The following REV3L variants were observed in gnomAD, a reference collection of about 807,000 sequenced individuals.
The protein encoded by REV3L is DNA polymerase zeta catalytic subunit.
REV3L carries 69 observed loss-of-function variants against 299.4 expected under a neutral mutation model. The ratio of observed to expected loss-of-function variants is 0.23; its 90% CI spans 0.19 to 0.28. The LOEUF (loss-of-function observed/expected upper bound fraction) is 0.28, where lower values mean the gene tolerates loss of function less well. Among genes scored for constraint, REV3L ranks in the 10% least tolerant of loss-of-function variants. REV3L has a pLI of 1.00. For synonymous variants in REV3L, 1,238 were observed against 1,271.4 expected (o/e 0.97, Z 0.56); for missense variants, 3,128 against 3,693.8 (o/e 0.85, Z 3.97).
chr6:111,354,614 A>G (rs1777909850), intron 18 of REV3L, among the ~76,000 whole-genome samples: 1 of 152,182 alleles, frequency 6.6e-6, no homozygotes, highest in South Asian at 2.1e-4. Context: ...TTTCAAGTTC[A>G]AAAGCCAAAG....
Position 111,483,020 on chromosome 6 carries a change from G to T in REV3L, c.-132C>A. 8.9e-7 allele frequency: 1 copy of T among 1,125,482 alleles called. No individual in the cohort carries two copies. 69.7% of individuals were successfully genotyped at this position (1,125,482 alleles called of 1,614,324 possible). ...CACGGCCCCCTCCCCTCACACAGAG[G>T]CACCTCGAGGAGCGGCGGGCGGGGC... On this transcript the variant is annotated 5_prime_UTR_variant, in exon 1 of 32. Coordinates refer to ENST00000368802, the MANE Select transcript of REV3L (RefSeq NM_001372078.1).
chr6:111,310,177 AAAC>A, intron 29 of REV3L, 78 bp from the exon 30 acceptor site: 5 of 1,439,478 alleles, frequency 3.5e-6, no homozygotes, highest in Non-Finnish European at 4.6e-6. Flanking sequence ...AGTCAGAATT[AAAC>A]AATAATAAAA....
chr6:111,324,031 G>A (rs980991112), intron 25 of REV3L, among the ~76,000 whole-genome samples: 8 of 152,186 alleles, frequency 5.3e-5, no homozygotes, highest in East Asian at 3.9e-4. Flanking sequence ...ACAGAGTCTC[G>A]TTCTGTCACC....
Position 111,373,741 on chromosome 6 carries a change from C to T in REV3L, c.4614G>A (p.Gln1538=). ...AVLKELLQKR[Q]QKAQNANTTQ... ...TAGTATTTGCATTTTGTGCTTTCTG[C>T]TGTCTTTTTTGTAACAATTCTTTTA... Residue 1538 remains glutamine (Q), a synonymous_variant, in exon 13 of 32, where the codon CAG becomes CAA. Transcript: ENST00000368802. 6.2e-7 allele frequency: 1 copy of T among 1,613,938 alleles called. No homozygotes were observed. The highest frequency in any genetic ancestry group is 8.5e-7 in the Non-Finnish European group (1 of 1,179,974).
At chr6:111,335,653 T>C (rs1775824083) in intron 21 of REV3L, 43 bp from the exon 22 acceptor site, 1 of 1,576,542 alleles carries the variant, frequency 6.3e-7, no homozygotes, top group Non-Finnish European at 8.6e-7. Flanking sequence ...GGGAAAAATT[T>C]GGACACTTGA....
rs1268145606 is a variant in REV3L, at chr6:111,448,586, A to C, written c.140-32114T>G. Among the ~76,000 whole-genome samples the C allele has an allele frequency of 3.9e-5, 6 of 152,072 alleles. No individual in the cohort carries two copies. The East Asian group carries it at 1.2e-3, about 30-fold the overall frequency. ...GTGATCCACCTGCCTCGGCCTCCCAAAGTGCTGGGATTACAGGCGTGAGCC... is the reference window on the plus strand; with the variant it reads ...GTGATCCACCTGCCTCGGCCTCCCACAGTGCTGGGATTACAGGCGTGAGCC... On this transcript the variant is annotated intron_variant, in intron 1 of 31. Transcript: ENST00000368802.
intron 20 of REV3L, among the ~76,000 whole-genome samples, chr6:111,345,642 C>T (rs560191627): frequency 3.9e-5 from 6 of 152,238 alleles, no homozygotes; most frequent in South Asian, 2.1e-4. Flanking sequence ...CCATCATCTC[C>T]GGTGCTTCCA....
At position 111,376,433 on chromosome 6, in the gene REV3L, T is replaced by C. The variant is rs777838306; in HGVS notation, c.1922A>G (p.His641Arg). Reference protein sequence around the residue: ...LSSTVHSENSHKENSKKEILP... With the variant: ...LSSTVHSENSRKENSKKEILP... ...GATCTCTTTCTTACTATTCTCTTTA[T>C]GAGAATTTTCTGAATGAACAGTACT... The change falls in exon 13 of 32, where the codon CAT becomes CGT. Residue 641 changes from histidine (H) to arginine (R), a missense_variant. Transcript: ENST00000368802. 6 of 1,612,984 alleles carry C rather than the reference T, an allele frequency of 3.7e-6. No homozygotes were observed. The highest frequency in any genetic ancestry group is 3.4e-6 in the Non-Finnish European group (4 of 1,179,136).
At chr6:111,315,158 T>C in intron 27 of REV3L, 109 bp downstream of exon 27, 2 of 907,426 alleles carry the variant, frequency 2.2e-6, no homozygotes, top group Admixed American at 2.5e-5. Context: ...TTTAACACTT[T>C]AATAGACCCG....
chr6:111,458,521 T>C (rs2128323245), intron 1 of REV3L, among the ~76,000 whole-genome samples: 1 of 152,212 alleles, frequency 6.6e-6, no homozygotes, highest in South Asian at 2.1e-4. Flanking sequence ...TATGATTCTA[T>C]ACCAGAAAAC....
chr6:111,395,296 A>G (rs530296100), intron 4 of REV3L, among the ~76,000 whole-genome samples: 1 of 152,292 alleles, frequency 6.6e-6, no homozygotes, highest in African/African-American at 2.4e-5. Context: ...ATTTTATTGG[A>G]AAATATGGCC....
At chr6:111,444,049 A>T (rs770490983) in intron 1 of REV3L, among the ~76,000 whole-genome samples, 4 of 152,218 alleles carry the variant, frequency 2.6e-5, no homozygotes, top group Non-Finnish European at 5.9e-5. Context: ...ATGGGCAAAC[A>T]ACAGAGAATT....
intron 1 of REV3L, among the ~76,000 whole-genome samples, chr6:111,440,851 T>G (rs1788183230): frequency 6.6e-6 from 1 of 152,234 alleles, no homozygotes; most frequent in African/African-American, 2.4e-5. Context: ...TTTTGAAGGA[T>G]AATTTCACTG....
chr6:111,456,095 T>C (rs1790127368), intron 1 of REV3L, among the ~76,000 whole-genome samples: 1 of 152,232 alleles, frequency 6.6e-6, no homozygotes, highest in Non-Finnish European at 1.5e-5. Flanking sequence ...TCTAGGTTTG[T>C]GTAGTATACT....
chr6:111,407,718 T>C (rs545863604), intron 3 of REV3L, among the ~76,000 whole-genome samples: 1 of 152,198 alleles, frequency 6.6e-6, no homozygotes, highest in African/African-American at 2.4e-5. Flanking sequence ...GTGGATCACT[T>C]GAGGTCAGGG....
At chr6:111,479,160 T>C (rs1407647656) in intron 1 of REV3L, among the ~76,000 whole-genome samples, 1 of 152,242 alleles carries the variant, frequency 6.6e-6, no homozygotes, top group Non-Finnish European at 1.5e-5. Context: ...GTGAATCCTC[T>C]GAGTGGTCAC....
chr6:111,341,314 C>T (rs1336846822), intron 21 of REV3L, among the ~76,000 whole-genome samples: 2 of 152,208 alleles, frequency 1.3e-5, no homozygotes, highest in African/African-American at 4.8e-5. Context: ...TTCCAAAGCA[C>T]TGAAATTACA....
intron 11 of REV3L, among the ~76,000 whole-genome samples, chr6:111,378,755 T>C (rs1225973695): frequency 2.0e-5 from 3 of 152,314 alleles, no homozygotes; most frequent in South Asian, 2.1e-4. Flanking sequence ...ACAGAGCAGG[T>C]TGATGTCATT....
At chr6:111,462,124 T>C (rs1353753966) in intron 1 of REV3L, among the ~76,000 whole-genome samples, 2 of 152,164 alleles carry the variant, frequency 1.3e-5, no homozygotes, top group East Asian at 1.9e-4. Context: ...CAATTCTCCA[T>C]GGGTCTCTGT....
Sources: gnomAD v4.1 joint callset for allele counts (sites outside exome capture counted in the v4.1 genomes callset) on GRCh38, gnomAD v4.1.1 for gene constraint, MANE v1.5 for transcripts, NCBI Gene and HGNC (gene_info 2026-07-23, HGNC 2026-07-21) for gene names.